The following XKR6 variants were observed in gnomAD, a reference collection of about 807,000 sequenced individuals.
The protein encoded by XKR6 is XK related 6.
A neutral mutation model predicts 56.7 loss-of-function variants in XKR6; 22 were observed. The ratio of observed to expected loss-of-function variants is 0.39; its 90% CI spans 0.28 to 0.55. The LOEUF (loss-of-function observed/expected upper bound fraction) is 0.55. XKR6 is among the 20% of genes least tolerant of loss of function. The pLI, the probability that XKR6 is intolerant of heterozygous loss-of-function variation, is 0.66. For synonymous variants in XKR6, 524 were observed against 387.8 expected (o/e 1.35, Z -4.13); for missense variants, 852 against 889.0 (o/e 0.96, Z 0.53).
rs369053445 is a variant in XKR6 at position 10,900,442 on chromosome 8, T to C, written c.962-1526A>G. On this transcript the variant is annotated intron_variant, in intron 2 of 2. Coordinates refer to ENST00000416569, the MANE Select transcript of XKR6 (RefSeq NM_173683.4). Reference sequence around the variant, plus strand: ...TCACAAAGGTCCCCTCCTTCCATCATGTCACATGAAGCTCAGAGTCCTAGC... The same window carrying C: ...TCACAAAGGTCCCCTCCTTCCATCACGTCACATGAAGCTCAGAGTCCTAGC... Among the ~76,000 whole-genome samples, 7 of 152,300 alleles carry C rather than the reference T, an allele frequency of 4.6e-5. No individual in the cohort carries two copies. In the East Asian group the frequency reaches 7.7e-4, roughly 17 times the overall value.
At chr8:11,044,059 C>T (rs1297086883) in intron 1 of XKR6, among the ~76,000 whole-genome samples, 1 of 152,228 alleles carries the variant, frequency 6.6e-6, no homozygotes, top group Non-Finnish European at 1.5e-5. Context: ...ACTAACCGAA[C>T]CCCTGTTCCA....
chr8:11,025,729 T>TA (rs1798846107), intron 1 of XKR6, among the ~76,000 whole-genome samples: 2 of 152,192 alleles, frequency 1.3e-5, no homozygotes, highest in Non-Finnish European at 1.5e-5. Flanking sequence ...ATAACACTAA[T>TA]ACACACCAAA....
intron 1 of XKR6, chr8:11,136,863 TAC>T (rs1800428072): frequency 1.3e-5 from 2 of 152,354 alleles, no homozygotes; most frequent in Admixed American, 1.3e-4. Context: ...AGAGAACACC[TAC>T]ACACAGTGTG....
intron 1 of XKR6, among the ~76,000 whole-genome samples, chr8:11,157,694 T>C (rs992365816): frequency 6.6e-6 from 1 of 152,076 alleles, no homozygotes; most frequent in South Asian, 2.1e-4. Context: ...TCTTTGGGGT[T>C]TTTCTGGTAG....
intron 1 of XKR6, among the ~76,000 whole-genome samples, chr8:11,189,034 C>G (rs942909411): frequency 6.6e-6 from 1 of 152,190 alleles, no homozygotes; most frequent in African/African-American, 2.4e-5. Flanking sequence ...GTTCTCCCCA[C>G]GAATCTATCA....
chr8:11,047,194 T>G (rs771789846), intron 1 of XKR6, among the ~76,000 whole-genome samples: 8 of 152,160 alleles, frequency 5.3e-5, no homozygotes, highest in Non-Finnish European at 1.2e-4. Flanking sequence ...CTACACTAAT[T>G]AGCTTACTTG....
intron 1 of XKR6, among the ~76,000 whole-genome samples, chr8:11,020,316 G>T (rs1377115457): frequency 1.3e-5 from 2 of 152,180 alleles, no homozygotes; most frequent in East Asian, 3.8e-4. Flanking sequence ...CCACTCTCCT[G>T]TCACTCAGCC....
chr8:10,981,240 T>C (rs1797728244), intron 1 of XKR6, among the ~76,000 whole-genome samples: 1 of 152,274 alleles, frequency 6.6e-6, no homozygotes, highest in African/African-American at 2.4e-5. Context: ...CCCCAGAGCA[T>C]ACGAGGGGGT....
At chr8:10,913,727 A>G (rs10903333) in intron 2 of XKR6, among the ~76,000 whole-genome samples, 48,679 of 152,072 alleles carry the variant, frequency 0.32, 8,588 homozygotes, top group African/African-American at 0.44. Context: ...CCCACTAGGG[A>G]CTTCACGTGG....
chr8:10,928,025 G>A (rs7812865), intron 1 of XKR6, among the ~76,000 whole-genome samples: 22,147 of 152,132 alleles, frequency 0.15, 1,874 homozygotes, highest in Non-Finnish European at 0.18. Flanking sequence ...CTCCCGGCTC[G>A]GTCCCTCCTC....
chr8:10,969,342 T>A (rs535942024), intron 1 of XKR6, among the ~76,000 whole-genome samples: 3 of 152,314 alleles, frequency 2.0e-5, no homozygotes, highest in South Asian at 2.1e-4. Context: ...GCTCCAATAG[T>A]CTCAGATCAA....
chr8:11,136,273 G>A (rs552030601), intron 1 of XKR6, among the ~76,000 whole-genome samples: 38 of 152,290 alleles, frequency 2.5e-4, no homozygotes, highest in African/African-American at 9.1e-4. Context: ...CCAGCACTCT[G>A]GGAGGCCAAG....
chr8:10,925,385 G>A (rs1800849987), intron 1 of XKR6, among the ~76,000 whole-genome samples: 1 of 152,186 alleles, frequency 6.6e-6, no homozygotes, highest in South Asian at 2.1e-4. Context: ...GCTCAGAAAG[G>A]TCACCCCCAC....
chr8:10,919,800 C>T (rs529745213), intron 2 of XKR6, among the ~76,000 whole-genome samples: 17 of 152,258 alleles, frequency 1.1e-4, no homozygotes, highest in South Asian at 2.1e-4. Context: ...GACTCACCAC[C>T]GGCATAAATG....
chr8:10,898,765 T>C lies in XKR6; in HGVS notation c.1113A>G (p.Arg371=). The change falls in exon 3 of 3, where the codon CGA becomes CGG. Residue 371 remains arginine (R), a synonymous_variant. Coordinates refer to ENST00000416569, the MANE Select transcript of XKR6 (RefSeq NM_173683.4). The surrounding 1 kb of genome is among the most constrained non-coding windows in gnomAD (Gnocchi z 6.6). ...VFWRLFTISS[R]VISFALFASI... ...AAGCAAAGAGGGCAAAAGAGATCAC[T>C]CGGGATGAGATGGTGAAGAGGCGCC... 6.2e-7 allele frequency: 1 copy of C among 1,614,036 alleles called. No homozygotes were observed. Among genetic ancestry groups the C allele is most frequent in the Non-Finnish European group, 8.5e-7 (1 of 1,180,024 alleles).
At chr8:10,975,871 G>A (rs977608754) in intron 1 of XKR6, among the ~76,000 whole-genome samples, 15 of 152,088 alleles carry the variant, frequency 9.9e-5, no homozygotes, top group African/African-American at 3.6e-4. Flanking sequence ...TCCCTCATGG[G>A]AACACGGAGG....
At chr8:11,075,395 T>G (rs957451901) in intron 1 of XKR6, among the ~76,000 whole-genome samples, 4 of 152,182 alleles carry the variant, frequency 2.6e-5, no homozygotes, top group Non-Finnish European at 5.9e-5. Flanking sequence ...GAGGAAACTG[T>G]TCCCAGAAAC....
chr8:11,137,316 T>C (rs1028763269), intron 1 of XKR6: 1 of 299,978 alleles, frequency 3.3e-6, no homozygotes. Context: ...CCAATACATA[T>C]CAGAGCATAA....
intron 1 of XKR6, among the ~76,000 whole-genome samples, chr8:11,004,548 T>C (rs757639615): frequency 4.3e-4 from 66 of 152,166 alleles, no homozygotes; most frequent in Non-Finnish European, 8.2e-4. Flanking sequence ...TGGTTTATTA[T>C]CCTGATGTTT....
Sources: allele counts gnomAD v4.1 joint callset (sites outside exome capture counted in the v4.1 genomes callset), GRCh38; gene constraint gnomAD v4.1.1; non-coding constraint Gnocchi (gnomAD v3.1); transcripts MANE v1.5; gene names NCBI Gene and HGNC (gene_info 2026-07-23, HGNC 2026-07-21).